KIF13B: variants seen among roughly 807,000 people sequenced by gnomAD.
The protein encoded by KIF13B is kinesin-like protein KIF13B.
A neutral mutation model predicts 222.0 loss-of-function variants in KIF13B; 127 were observed. The ratio of observed to expected loss-of-function variants is 0.57; its 90% CI spans 0.50 to 0.66. The LOEUF (loss-of-function observed/expected upper bound fraction) is 0.66, where lower values mean the gene tolerates loss of function less well. Ranked by LOEUF, KIF13B falls within the 30% of genes least tolerant of loss-of-function variation. The pLI, the probability that KIF13B is intolerant of heterozygous loss-of-function variation, is 0.00. For missense variants in KIF13B, 2,173 were observed against 2,379.0 expected, an observed-to-expected ratio of 0.91 and a Z score of 1.80; for synonymous variants, 976 against 919.0, an observed-to-expected ratio of 1.06 and a Z score of -1.12.
At position 29,193,269 on chromosome 8, in the gene KIF13B, G is replaced by A. The variant is rs538985452; in HGVS notation, c.163-2212C>T. Among the ~76,000 whole-genome samples the A allele has an allele frequency of 3.3e-5, 5 of 152,266 alleles. No individual in the cohort carries two copies. In the South Asian group the frequency reaches 1.0e-3, roughly 32 times the overall value. On this transcript the variant is annotated intron_variant, in intron 3 of 39. Coordinates refer to ENST00000524189, the MANE Select transcript of KIF13B (RefSeq NM_015254.4). ...TGCTCACCCTCCATGTTTTTCCAAA[G>A]CTAAAACGTATATCTATCAGCAGTG...
chr8:29,257,332 AGTTTTT>A (rs966563691), intron 1 of KIF13B, among the ~76,000 whole-genome samples: 22 of 148,862 alleles, frequency 1.5e-4, no homozygotes, highest in African/African-American at 5.4e-4. Flanking sequence ...ATCTTGGTCG[AGTTTTT>A]GTTTTTTTTT....
intron 2 of KIF13B, among the ~76,000 whole-genome samples, chr8:29,226,466 T>G (rs1280058474): frequency 6.6e-6 from 1 of 152,190 alleles, no homozygotes; most frequent in Non-Finnish European, 1.5e-5. Context: ...GCCCTTCACT[T>G]GAAGGTCATT....
chr8:29,130,857 A>G (rs1053999667), intron 23 of KIF13B, among the ~76,000 whole-genome samples, 192 bp from the exon 24 acceptor site: 6 of 152,228 alleles, frequency 3.9e-5, no homozygotes, highest in African/African-American at 1.4e-4. Flanking sequence ...TAAACTCACA[A>G]TATCAGAACT....
intron 37 of KIF13B, among the ~76,000 whole-genome samples, chr8:29,077,246 G>A (rs996798462): frequency 1.3e-5 from 2 of 152,048 alleles, no homozygotes; most frequent in African/African-American, 4.8e-5. Flanking sequence ...TCCCCTCTGC[G>A]CCCCTCCCAG....
intron 2 of KIF13B, among the ~76,000 whole-genome samples, chr8:29,234,671 T>C (rs1204834696): frequency 6.9e-6 from 1 of 144,556 alleles, no homozygotes; most frequent in Non-Finnish European, 1.5e-5. Context: ...CTTGTGAGCA[T>C]TTTACCACCA....
Position 29,072,300 on chromosome 8 carries a change from C to A in KIF13B, c.4538G>T (p.Gly1513Val). Residue 1513 changes from glycine to valine, a missense_variant, in exon 39 of 40, where the codon GGC (glycine) becomes GTC (valine). Around this residue, in one of 2 missense-constraint regions of KIF13B, gnomAD observed 693 missense variants for 656.2 expected, o/e 1.06. Transcript: ENST00000524189. Reference sequence around the variant, plus strand: ...CATCGTCTGCACCAGCACGTCAGGGCCCATCTCCGGCTGAGCCTGCAGCAG... The same window carrying A: ...CATCGTCTGCACCAGCACGTCAGGGACCATCTCCGGCTGAGCCTGCAGCAG... Reference protein sequence around the residue: ...TRMEEAQPEMGPDVLVQTMGA... With the variant: ...TRMEEAQPEMVPDVLVQTMGA... 2.1e-6 allele frequency: 3 copies of A among 1,428,334 alleles called. No individual in the cohort carries two copies. Among genetic ancestry groups the A allele is most frequent in the Non-Finnish European group, 2.8e-6 (3 of 1,088,910 alleles). The allele number at this position is 1,428,334 out of a possible 1,614,324, so 88.5% of individuals were successfully genotyped here.
chr8:29,102,375 C>T (rs1214822238), intron 35 of KIF13B, among the ~76,000 whole-genome samples: 5 of 152,262 alleles, frequency 3.3e-5, no homozygotes, highest in African/African-American at 1.2e-4. Context: ...CAGAGGGAAG[C>T]TGGCTTTGTT....
chr8:29,152,192 A>C (rs1811329052), intron 14 of KIF13B, among the ~76,000 whole-genome samples: 1 of 152,228 alleles, frequency 6.6e-6, no homozygotes, highest in Non-Finnish European at 1.5e-5. Context: ...GGGTAAGTTG[A>C]TTCTTATGAA....
At chr8:29,156,763 C>T (rs1043334616) in intron 13 of KIF13B, among the ~76,000 whole-genome samples, 4 of 151,668 alleles carry the variant, frequency 2.6e-5, no homozygotes, top group Non-Finnish European at 5.9e-5. Context: ...TCAAGCAATC[C>T]TTCCACTTCA....
Position 29,182,004 on chromosome 8 carries a change from C to A in KIF13B, c.500G>T (p.Ser167Ile). 1 of 1,612,306 alleles carries A rather than the reference C, an allele frequency of 6.2e-7. No individual in the cohort carries two copies. Among genetic ancestry groups the A allele is most frequent in the South Asian group, 1.1e-5 (1 of 90,828 alleles). ...KVRDLLDPKG[S>I]RQTLKVREHS... ...CTCTCTGACTTTCAACGTCTGACGG[C>A]TTCTGTTCATGAAAAACAAAGAAAT... The change falls in exon 7 of 40, where the codon AGC becomes ATC. Residue 167 changes from serine to isoleucine, a missense_variant and splice_region_variant. Physicochemically the swap from Ser to Ile is moderately radical, Grantham distance 142. Coordinates refer to ENST00000524189, the MANE Select transcript of KIF13B (RefSeq NM_015254.4).
rs929092774 is a variant in KIF13B, at chr8:29,092,861, C to A, written c.4342G>T (p.Ala1448Ser). ...SPDPGLSNLA[A>S]SYLNPVKSFV... ...GATTTGACAGGATTCAAGTAGGATG[C>A]TGCAAGGTTACTGAGTCCTGCCCAT... Residue 1448 changes from alanine to serine, a missense_variant, in exon 37 of 40, where the codon GCA becomes TCA. Physicochemically the swap from Ala to Ser is moderately conservative, Grantham distance 99. This residue lies in a region of KIF13B where 693 missense variants were observed against 656.2 expected (regional missense o/e 1.06). Coordinates refer to ENST00000524189, the MANE Select transcript of KIF13B (RefSeq NM_015254.4). The A allele has an allele frequency of 4.3e-6, 7 of 1,610,762 alleles. No individual in the cohort carries two copies. The highest frequency in any genetic ancestry group is 1.3e-5 in the African/African-American group (1 of 74,834).
chr8:29,199,711 C>T lies in KIF13B; in HGVS notation c.150-3512G>A, dbSNP rs544872634. On this transcript the variant is annotated intron_variant, in intron 2 of 39. Transcript: ENST00000524189. ...TAGGTCTTCTGACTCCCAAGGTCCA[C>T]GTTCTTGCCCACACTGATCAAAACA... Among the ~76,000 whole-genome samples the T allele has an allele frequency of 2.1e-3, 322 of 152,186 alleles. 2 individuals are homozygous for T. The highest frequency in any genetic ancestry group is 3.4e-3 in the Non-Finnish European group (232 of 68,006).
At chr8:29,080,277 C>CCATGATCAT (rs1328302098) in intron 37 of KIF13B, among the ~76,000 whole-genome samples, 1 of 135,444 alleles carries the variant, frequency 7.4e-6, no homozygotes, top group Non-Finnish European at 1.5e-5. Context: ...CTGCAGTAAG[C>CCATGATCAT]CATGATCATG....
At chr8:29,086,278 G>A (rs1808046482) in intron 37 of KIF13B, among the ~76,000 whole-genome samples, 1 of 152,172 alleles carries the variant, frequency 6.6e-6, no homozygotes, top group African/African-American at 2.4e-5. Flanking sequence ...CAACTGTTCA[G>A]AGAAGTTTTA....
chr8:29,262,361 T>C (rs1172421958), intron 1 of KIF13B, among the ~76,000 whole-genome samples: 1 of 152,234 alleles, frequency 6.6e-6, no homozygotes, highest in Non-Finnish European at 1.5e-5. Context: ...AAACCAAAAC[T>C]TTCTCAACTG....
At chr8:29,136,593 T>G (rs1187705044) in intron 21 of KIF13B, among the ~76,000 whole-genome samples, 2 of 151,194 alleles carry the variant, frequency 1.3e-5, no homozygotes, top group African/African-American at 4.9e-5. Context: ...AAAAATTAAT[T>G]AATTAATTAA....
At chr8:29,120,393 T>C (rs1440964770) in intron 29 of KIF13B, among the ~76,000 whole-genome samples, 4 of 82,594 alleles carry the variant, frequency 4.8e-5, no homozygotes, top group African/African-American at 1.4e-4. Context: ...TGTGATCTCA[T>C]TGTTCAATTC....
intron 21 of KIF13B, among the ~76,000 whole-genome samples, chr8:29,138,138 C>T (rs1810646101): frequency 6.6e-6 from 1 of 152,092 alleles, no homozygotes; most frequent in African/African-American, 2.4e-5. Flanking sequence ...TCACTTGAGG[C>T]CAGGAGTTCA....
At chr8:29,262,934 C>A (rs777317434) in intron 1 of KIF13B, 46 bp downstream of exon 1, 22 of 1,495,786 alleles carry the variant, frequency 1.5e-5, no homozygotes, top group Non-Finnish European at 1.8e-5. Flanking sequence ...GCGCGCCAGG[C>A]ACCTGCCGCC....
Sources: allele counts gnomAD v4.1 joint callset (sites outside exome capture counted in the v4.1 genomes callset), GRCh38; gene constraint gnomAD v4.1.1; regional missense constraint gnomAD v4.1.1; transcripts MANE v1.5; gene names NCBI Gene and HGNC (gene_info 2026-07-23, HGNC 2026-07-21).